DICER1: variants seen among roughly 807,000 people sequenced by gnomAD.
The protein encoded by DICER1 is endoribonuclease Dicer.
Under a neutral mutation model 194.1 loss-of-function variants are expected in DICER1, and 43 were observed. That is an observed-to-expected ratio of 0.22 (90% CI 0.17 to 0.29). The LOEUF is 0.29. DICER1 is among the 10% of genes least tolerant of loss of function. The pLI is 1.00. For missense variants in DICER1, 1,608 were observed against 2,317.0 expected (o/e 0.69, Z 6.28); for synonymous variants, 832 against 820.5 (o/e 1.01, Z -0.24).
rs1566761421 is a variant in DICER1, at chr14:95,099,785, C to T, written c.4201G>A (p.Glu1401Lys). 4.4e-6 allele frequency: 7 copies of T among 1,605,672 alleles called. No individual in the cohort carries two copies. Among genetic ancestry groups the T allele is most frequent in the African/African-American group, 1.4e-5 (1 of 73,806 alleles). The change falls in exon 22 of 27, where the codon GAA becomes AAA. Residue 1401 changes from glutamate to lysine, a missense_variant. Glu to Lys is a moderately conservative substitution (Grantham distance 56). Around this residue, in one of 10 missense-constraint regions of DICER1, gnomAD observed 164 missense variants for 183.7 expected, o/e 0.89. Coordinates refer to ENST00000343455, the MANE Select transcript of DICER1 (RefSeq NM_177438.3). Reference sequence around the variant, plus strand: ...ACACACACACACAAACTTACCATTTCATCTTTTTCCCATTTATCTGTGTTG... The same window carrying T: ...ACACACACACACAAACTTACCATTTTATCTTTTTCCCATTTATCTGTGTTG... ...KSNTDKWEKD[E>K]MTKDCMLANG...
chr14:95,129,226 T>C (rs764458469), intron 6 of DICER1: 17 of 445,394 alleles, frequency 3.8e-5, no homozygotes, highest in Admixed American at 3.3e-4. Context: ...CAACAGCAAA[T>C]AGGAAGAGCT....
chr14:95,146,473 C>A (rs1595500546), intron 1 of DICER1, among the ~76,000 whole-genome samples: 1 of 152,322 alleles, frequency 6.6e-6, no homozygotes, highest in East Asian at 1.9e-4. Context: ...GGGGGAAAAA[C>A]CACACAACTT....
At chr14:95,100,486 C>G (rs2139911787) in intron 21 of DICER1, among the ~76,000 whole-genome samples, 1 of 152,262 alleles carries the variant, frequency 6.6e-6, no homozygotes, top group Admixed American at 6.5e-5. Context: ...AATATTATTC[C>G]TTTGTTTTAC....
At chr14:95,113,796 AC>A (rs1892194464) in intron 11 of DICER1, among the ~76,000 whole-genome samples, 1 of 152,170 alleles carries the variant, frequency 6.6e-6, no homozygotes, top group Non-Finnish European at 1.5e-5. Flanking sequence ...CTGGGACAGG[AC>A]CCACATCAGG....
At chr14:95,149,775 T>C (rs1372922362) in intron 1 of DICER1, among the ~76,000 whole-genome samples, 1 of 152,236 alleles carries the variant, frequency 6.6e-6, no homozygotes, top group Non-Finnish European at 1.5e-5. Flanking sequence ...ATAAGCTTTA[T>C]TGATCTTAAC....
In DICER1 at chr14:95,124,301, A is replaced by G. The variant is rs763512012; in HGVS notation, c.1271T>C (p.Ile424Thr). The G allele has an allele frequency of 3.7e-6, 6 of 1,613,960 alleles. No homozygotes were observed. The South Asian group carries it at 4.4e-5, about 12-fold the overall frequency. ...TGTCTCTGGCTTCTCTTTTTCTTCA[A>G]TTTCTTCATCCTCATCATCATCCTC... ...DSEDDDEDEE[I>T]EEKEKPETNF... The change falls in exon 8 of 27, where the codon ATT (isoleucine) becomes ACT (threonine). Residue 424 changes from isoleucine to threonine, a missense_variant. Coordinates refer to ENST00000343455, the MANE Select transcript of DICER1 (RefSeq NM_177438.3). This position sits in a 1 kb window ranked among gnomAD's most constrained non-coding sequence, Gnocchi z 4.5.
chr14:95,135,141 A>G (rs944320109), intron 1 of DICER1, among the ~76,000 whole-genome samples: 1 of 152,218 alleles, frequency 6.6e-6, no homozygotes, highest in Non-Finnish European at 1.5e-5. Flanking sequence ...TGCGGGTCCC[A>G]TCACTGACCT....
intron 20 of DICER1, among the ~76,000 whole-genome samples, chr14:95,104,666 A>G (rs538980939): frequency 6.6e-6 from 1 of 152,370 alleles, no homozygotes; most frequent in Admixed American, 6.5e-5. Flanking sequence ...CAGTCTTGAT[A>G]TTGCCAATTG....
intron 23 of DICER1, chr14:95,095,399 C>T: frequency 1.4e-5 from 3 of 208,584 alleles, no homozygotes; most frequent in Non-Finnish European, 2.0e-5. Context: ...TTAAAAAGAC[C>T]CTAAAGGAGG....
chr14:95,122,147 C>T lies in DICER1; in HGVS notation c.1376+2049G>A, dbSNP rs1892984882. Among the ~76,000 whole-genome samples, 3 of 152,194 alleles carry T rather than the reference C, an allele frequency of 2.0e-5. No homozygotes were observed. The South Asian group carries it at 6.2e-4, about 32-fold the overall frequency. On this transcript the variant is annotated intron_variant, in intron 8 of 26. Transcript: ENST00000343455. ...ATCATACAGCACTAAATTCCAGTCA[C>T]ATTTTATGAAAGTTGATCACAATTC...
rs199506334 is a variant in DICER1 at position 95,094,169 on chromosome 14, G to A, written c.5096-13C>T. 4.6e-5 allele frequency: 75 copies of A among 1,613,960 alleles called. No individual in the cohort carries two copies. The highest frequency in any genetic ancestry group is 2.5e-4 in the East Asian group (11 of 44,868). ...CGCTGGTAACAATCTGAGGGGATCC[G>A]AAGTGGAACCGTAAGCTTGTGCAGA... On this transcript the variant is annotated splice_polypyrimidine_tract_variant and intron_variant, in intron 23 of 26. Transcript: ENST00000343455.
chr14:95,111,264 G>A (rs769890518), intron 14 of DICER1, 53 bp downstream of exon 14: 41 of 1,609,800 alleles, frequency 2.5e-5, no homozygotes, highest in Non-Finnish European at 3.3e-5. Flanking sequence ...TTGATGTAGC[G>A]GAAAACAAAG....
intron 1 of DICER1, among the ~76,000 whole-genome samples, chr14:95,156,805 G>A (rs1028890960): frequency 3.9e-5 from 6 of 152,108 alleles, no homozygotes; most frequent in African/African-American, 1.4e-4. Context: ...CCCATCAGAG[G>A]AGGGCCCCAG....
intron 1 of DICER1, among the ~76,000 whole-genome samples, chr14:95,142,297 T>G (rs1894871633): frequency 6.6e-6 from 1 of 152,130 alleles, no homozygotes; most frequent in Non-Finnish European, 1.5e-5. Flanking sequence ...TAACATGCTG[T>G]ATTGAATACT....
chr14:95,116,402 C>G, intron 10 of DICER1, 51 bp downstream of exon 10: 1 of 1,593,550 alleles, frequency 6.3e-7, no homozygotes, highest in Non-Finnish European at 8.5e-7. Flanking sequence ...AAAGAAGCCA[C>G]ATTAATTTTT....
intron 14 of DICER1, among the ~76,000 whole-genome samples, chr14:95,111,062 A>G (rs1160929706): frequency 6.6e-6 from 1 of 152,240 alleles, no homozygotes; most frequent in African/African-American, 2.4e-5. Flanking sequence ...TGGATAGAAT[A>G]TGACAGATGG....
At chr14:95,094,220 A>C in intron 23 of DICER1, 64 bp from the exon 24 acceptor site, 1 of 1,571,472 alleles carries the variant, frequency 6.4e-7, no homozygotes, top group Non-Finnish European at 8.7e-7. Context: ...CCCACATAGC[A>C]ACTGATCCCC....
At chr14:95,138,991 AAAT>A (rs1197572551) in intron 1 of DICER1, among the ~76,000 whole-genome samples, 18 of 33,498 alleles carry the variant, frequency 5.4e-4, no homozygotes, top group African/African-American at 3.1e-3. Context: ...ATAAATAAAA[AAAT>A]AAAAAAAAAA....
chr14:95,103,633 T>C lies in DICER1; in HGVS notation c.3763A>G (p.Ser1255Gly), dbSNP rs1891108676. The C allele has an allele frequency of 1.2e-6, 2 of 1,614,202 alleles. No homozygotes were observed. The highest frequency in any genetic ancestry group is 1.7e-6 in the Non-Finnish European group (2 of 1,180,038). The part of the protein sequence containing the change: ...GNANKSTSDG[S>G]PVMAVMPGTT... ...CCAGGCATTACGGCCATCACAGGACTTCCATCTGAGGTAGATTTGTTAGCA... is the reference window on the plus strand; with the variant it reads ...CCAGGCATTACGGCCATCACAGGACCTCCATCTGAGGTAGATTTGTTAGCA... Residue 1255 changes from serine to glycine, a missense_variant, in exon 21 of 27, where the codon AGT becomes GGT. Physicochemically the swap from Ser to Gly is moderately conservative, Grantham distance 56. This residue lies in a region of DICER1 where 222 missense variants were observed against 215.5 expected (regional missense o/e 1.03). Coordinates refer to ENST00000343455, the MANE Select transcript of DICER1 (RefSeq NM_177438.3).
Sources: gnomAD v4.1 joint callset for allele counts (sites outside exome capture counted in the v4.1 genomes callset) on GRCh38, gnomAD v4.1.1 for gene constraint, gnomAD v4.1.1 regional missense constraint, Gnocchi (gnomAD v3.1) non-coding constraint, MANE v1.5 for transcripts, NCBI Gene and HGNC (gene_info 2026-07-23, HGNC 2026-07-21) for gene names.